The following SPATA1 variants were observed in gnomAD, a reference collection of about 807,000 sequenced individuals.
SPATA1 encodes spermatogenesis-associated protein 1.
SPATA1 carries 57 observed loss-of-function variants against 59.6 expected under a neutral mutation model. The observed-to-expected ratio is 0.96, with a 90% CI of 0.77 to 1.19. SPATA1 has a LOEUF of 1.19. SPATA1 is among the 50% of genes most tolerant of loss of function. SPATA1 has a pLI of 0.00. For missense variants in SPATA1, 448 were observed against 480.7 expected (o/e 0.93, Z 0.64); for synonymous variants, 147 against 163.9 (o/e 0.90, Z 0.79).
intron 9 of SPATA1, 125 bp from the exon 10 acceptor site, chr1:84,545,509 A>C (rs996294606): frequency 2.7e-6 from 3 of 1,121,816 alleles, no homozygotes; most frequent in Non-Finnish European, 3.6e-6. Flanking sequence ...TAGCAAGAAA[A>C]ACAGTTTGGG....
chr1:84,557,943 G>A (rs1336974606), downstream of SPATA1, among the ~76,000 whole-genome samples: 2 of 151,896 alleles, frequency 1.3e-5, no homozygotes, highest in Non-Finnish European at 2.9e-5. Context: ...GCACCAAAAT[G>A]TTTCCTGAAT....
At chr1:84,513,574 C>A (rs1008331463) in intron 1 of SPATA1, among the ~76,000 whole-genome samples, 1 of 152,214 alleles carries the variant, frequency 6.6e-6, no homozygotes, top group Non-Finnish European at 1.5e-5. Context: ...AATCCCAAAG[C>A]AGAAACTGTC....
intron 1 of SPATA1, among the ~76,000 whole-genome samples, chr1:84,508,809 G>GA (rs1175279771): frequency 6.6e-6 from 1 of 151,860 alleles, no homozygotes; most frequent in South Asian, 2.1e-4. Context: ...GAAGTTTGGA[G>GA]AAAAAAATAT....
downstream of SPATA1, among the ~76,000 whole-genome samples, chr1:84,566,798 A>G (rs913120052): frequency 6.6e-6 from 1 of 151,948 alleles, no homozygotes; most frequent in African/African-American, 2.4e-5. Flanking sequence ...ACGCCCAGCT[A>G]ATTTTTTTGT....
intron 6 of SPATA1, among the ~76,000 whole-genome samples, chr1:84,530,276 T>C (rs908788225): frequency 6.6e-6 from 1 of 152,214 alleles, no homozygotes; most frequent in Non-Finnish European, 1.5e-5. Flanking sequence ...CCAGAAGGCC[T>C]CCTTCTCAGA....
At chr1:84,537,930 G>A (rs1683764681) in intron 8 of SPATA1, among the ~76,000 whole-genome samples, 1 of 152,176 alleles carries the variant, frequency 6.6e-6, no homozygotes, top group South Asian at 2.1e-4. Flanking sequence ...TCCTCATACT[G>A]CCTCCCTGAT....
chr1:84,539,188 G>A (rs1683822014), intron 8 of SPATA1, among the ~76,000 whole-genome samples: 1 of 152,152 alleles, frequency 6.6e-6, no homozygotes, highest in African/African-American at 2.4e-5. Context: ...TACAAGCCCT[G>A]GTAGGAGAAT....
At chr1:84,543,762 G>C (rs143540042) in intron 8 of SPATA1, among the ~76,000 whole-genome samples, 1 of 151,912 alleles carries the variant, frequency 6.6e-6, no homozygotes, top group Non-Finnish European at 1.5e-5. Flanking sequence ...CAAACACAGA[G>C]GAGATAAGAT....
At chr1:84,526,257 T>C (rs1683219356) in intron 6 of SPATA1, 184 bp downstream of exon 6, 1 of 497,090 alleles carries the variant, frequency 2.0e-6, no homozygotes, top group Non-Finnish European at 3.6e-6. Context: ...AAGAAAACAA[T>C]TTAAGTACTA....
chr1:84,529,822 A>C (rs1358109943), intron 6 of SPATA1, among the ~76,000 whole-genome samples: 2 of 150,778 alleles, frequency 1.3e-5, no homozygotes, highest in Non-Finnish European at 2.9e-5. Flanking sequence ...TAGGGATTAC[A>C]GGCATGAGTG....
At chr1:84,557,545 A>G (rs1233129509), downstream of SPATA1, among the ~76,000 whole-genome samples, 3 of 129,594 alleles carry the variant, frequency 2.3e-5, no homozygotes, top group African/African-American at 3.7e-5. Context: ...AAAAAAAAAA[A>G]AAAAAAAAGA....
chr1:84,544,133 AC>A (rs1215488327), intron 8 of SPATA1, 68 bp from the exon 9 acceptor site: 1 of 1,028,192 alleles, frequency 9.7e-7, no homozygotes, highest in African/African-American at 1.6e-5. Flanking sequence ...ATTATCAAAT[AC>A]CTACGGGCAA....
intron 8 of SPATA1, among the ~76,000 whole-genome samples, chr1:84,536,601 G>A (rs1334114807): frequency 3.3e-5 from 5 of 152,068 alleles, no homozygotes; most frequent in Non-Finnish European, 7.4e-5. Flanking sequence ...CCGCCACCAC[G>A]CCCGGCTAAT....
chr1:84,544,212 A>G, exon 9 of SPATA1: 1 of 1,597,144 alleles, frequency 6.3e-7, no homozygotes, highest in South Asian at 1.1e-5. Flanking sequence ...ACAGCTGAAA[A>G]AGAGTACATC....
chr1:84,528,401 C>A (rs1399369571), intron 6 of SPATA1, among the ~76,000 whole-genome samples: 1 of 152,128 alleles, frequency 6.6e-6, no homozygotes, highest in African/African-American at 2.4e-5. Context: ...TTCTTTTGAT[C>A]ATAGGAATTC....
In SPATA1 at chr1:84,565,845, T is replaced by C. The variant is rs1285120454; in HGVS notation, n.443-16T>C. On this transcript the variant is annotated splice_polypyrimidine_tract_variant and intron_variant and non_coding_transcript_variant, in intron 4 of 4. Coordinates refer to the SPATA1 transcript ENST00000460286. ...TGACCATGTTTAGAGTCTTACCAGT[T>C]AATGTCTGATTATAGGGAGCATTGG... The C allele has an allele frequency of 1.5e-5, 23 of 1,525,838 alleles. No homozygotes were observed. In the East Asian group the frequency reaches 5.9e-4, roughly 39 times the overall value. 94.5% of individuals were successfully genotyped at this position (1,525,838 alleles called of 1,614,324 possible).
At chr1:84,521,613 C>G (rs1279845586) in intron 3 of SPATA1, among the ~76,000 whole-genome samples, 1 of 152,122 alleles carries the variant, frequency 6.6e-6, no homozygotes, top group Non-Finnish European at 1.5e-5. Context: ...ATCATTCATA[C>G]AGTCCCTTTC....
exon 11 of SPATA1, chr1:84,548,808 A>T (rs1558614046): frequency 6.9e-7 from 1 of 1,458,770 alleles, no homozygotes; most frequent in Non-Finnish European, 9.1e-7. Context: ...GGAAGAAAAA[A>T]TACTTGGAAA....
chr1:84,553,590 G>C (rs550530705), exon 13 of SPATA1: 3 of 152,184 alleles, frequency 2.0e-5, no homozygotes, highest in Non-Finnish European at 4.4e-5. Context: ...TGCATTCTGA[G>C]CTATGATAGA....
Sources: gnomAD v4.1 joint callset for allele counts (sites outside exome capture counted in the v4.1 genomes callset) on GRCh38, gnomAD v4.1.1 for gene constraint, MANE v1.5 for transcripts, NCBI Gene and HGNC (gene_info 2026-07-23, HGNC 2026-07-21) for gene names.